The following ATP13A4 variants were observed in gnomAD, a reference collection of about 807,000 sequenced individuals.
ATP13A4 encodes ATPase 13A4.
In ATP13A4, 114 loss-of-function variants were observed where a neutral mutation model predicts 142.5. The observed-to-expected ratio is 0.80, with a 90% confidence interval of 0.69 to 0.93. The LOEUF (loss-of-function observed/expected upper bound fraction) is 0.93, where lower values mean the gene tolerates loss of function less well. ATP13A4 is among the 40% of genes least tolerant of loss of function. The pLI is 0.00. For missense variants in ATP13A4, 1,392 were observed against 1,454.0 expected (o/e 0.96, Z 0.69); for synonymous variants, 488 against 514.8 (o/e 0.95, Z 0.70).
chr3:193,442,742 C>T (rs1716720892), intron 18 of ATP13A4, among the ~76,000 whole-genome samples, 186 bp from the exon 19 acceptor site: 2 of 152,134 alleles, frequency 1.3e-5, no homozygotes, highest in Admixed American at 6.5e-5. Context: ...TACTGCTTTT[C>T]GTCAGGTTGC....
intron 18 of ATP13A4, 32 bp from the exon 19 acceptor site, chr3:193,442,588 G>A: frequency 6.3e-7 from 1 of 1,598,648 alleles, no homozygotes. Context: ...TCAAGATGAG[G>A]TTGACAAGAT....
chr3:193,467,945 G>A lies in ATP13A4; in HGVS notation c.944-459C>T, dbSNP rs368481268. Among the ~76,000 whole-genome samples the A allele has an allele frequency of 2.0e-3, 310 of 152,272 alleles. 1 individual carries two copies. The highest frequency in any genetic ancestry group is 2.7e-3 in the Non-Finnish European group (183 of 68,014). On this transcript the variant is annotated intron_variant, in intron 9 of 29. Transcript: ENST00000342695. ...TGTAATCCCAGTACTTTGGGAGGCC[G>A]AGGTAGGCAGATCACCTGAGGTCAG...
intron 14 of ATP13A4, among the ~76,000 whole-genome samples, chr3:193,457,873 G>C (rs1189383239): frequency 6.6e-6 from 1 of 152,200 alleles, no homozygotes; most frequent in Non-Finnish European, 1.5e-5. Context: ...AATTTGGATG[G>C]ATGGTTCTCA....
chr3:193,525,711 A>T (rs1478117997), intron 1 of ATP13A4, among the ~76,000 whole-genome samples: 1 of 152,154 alleles, frequency 6.6e-6, no homozygotes, highest in Non-Finnish European at 1.5e-5. Flanking sequence ...TTCCCTCCTC[A>T]TCACCCCACA....
intron 8 of ATP13A4, among the ~76,000 whole-genome samples, chr3:193,477,757 T>A (rs1719052804): frequency 1.3e-5 from 2 of 152,080 alleles, no homozygotes; most frequent in Non-Finnish European, 1.5e-5. Context: ...GATGGAGATC[T>A]TGGCAGCTTG....
chr3:193,544,315 A>T (rs561356634), intron 1 of ATP13A4, among the ~76,000 whole-genome samples: 1 of 152,356 alleles, frequency 6.6e-6, no homozygotes, highest in Admixed American at 6.5e-5. Context: ...AATGAAATTA[A>T]TAGCTAGTGG....
intron 3 of ATP13A4, among the ~76,000 whole-genome samples, chr3:193,500,161 A>G (rs1289481583): frequency 6.6e-6 from 1 of 152,230 alleles, no homozygotes; most frequent in African/African-American, 2.4e-5. Flanking sequence ...AATTCAGACC[A>G]GGAAACAGCA....
At chr3:193,572,596 T>C (rs78663206) in intron 2 of ATP13A4, among the ~76,000 whole-genome samples, 1 of 152,162 alleles carries the variant, frequency 6.6e-6, no homozygotes, top group Non-Finnish European at 1.5e-5. Flanking sequence ...AATCTGCGTT[T>C]AGTGGCAAAG....
At chr3:193,532,382 G>A (rs1235456359) in intron 1 of ATP13A4, among the ~76,000 whole-genome samples, 1 of 148,080 alleles carries the variant, frequency 6.8e-6, no homozygotes, top group Non-Finnish European at 1.5e-5. Context: ...TCTATTCACT[G>A]TGGCATTTTA....
rs113188882 is a variant in ATP13A4 at position 193,444,279 on chromosome 3, A to C, written c.2153-1723T>G. On this transcript the variant is annotated intron_variant, in intron 18 of 29. Coordinates refer to ENST00000342695, the MANE Select transcript of ATP13A4 (RefSeq NM_032279.4). ...AGAAAATAGTGGAACAACATCTTTGAGGTGCTGACTTCATCTTTCACTTTG... is the reference window on the plus strand; with the variant it reads ...AGAAAATAGTGGAACAACATCTTTGCGGTGCTGACTTCATCTTTCACTTTG... 1.2e-3 allele frequency among the ~76,000 whole-genome samples: 189 copies of C among 152,304 alleles called. No individual in the cohort carries two copies. In the Middle Eastern group the frequency reaches 0.014, roughly 11 times the overall value.
intron 9 of ATP13A4, among the ~76,000 whole-genome samples, chr3:193,467,694 A>G (rs1718384435): frequency 1.3e-5 from 2 of 152,212 alleles, no homozygotes; most frequent in South Asian, 4.1e-4. Context: ...ATGTAAACTG[A>G]TAAGTATAAT....
chr3:193,547,180 G>A (rs979999945), intron 1 of ATP13A4, among the ~76,000 whole-genome samples: 2 of 152,150 alleles, frequency 1.3e-5, no homozygotes, highest in Non-Finnish European at 2.9e-5. Flanking sequence ...TCAGCGTCCT[G>A]TCTGACAAGA....
chr3:193,465,719 C>T (rs1332208589), intron 11 of ATP13A4, among the ~76,000 whole-genome samples: 1 of 152,108 alleles, frequency 6.6e-6, no homozygotes, highest in South Asian at 2.1e-4. Context: ...AAATATGCTA[C>T]TTTATTGAAA....
intron 1 of ATP13A4, among the ~76,000 whole-genome samples, chr3:193,586,414 T>C (rs1211773327): frequency 6.6e-6 from 1 of 152,226 alleles, no homozygotes; most frequent in Non-Finnish European, 1.5e-5. Flanking sequence ...CCTATTCCTC[T>C]TTGCAAAGAT....
intron 2 of ATP13A4, among the ~76,000 whole-genome samples, chr3:193,573,260 C>CATATATATATATATATATATAT (rs373692119): frequency 2.3e-4 from 18 of 79,018 alleles, no homozygotes; most frequent in African/African-American, 1.0e-3. Context: ...ATACCACAGC[C>CATATATATATATATATATATAT]ATATATATAT....
intron 3 of ATP13A4, among the ~76,000 whole-genome samples, chr3:193,497,444 TGA>T (rs1720307517): frequency 6.6e-6 from 1 of 152,112 alleles, no homozygotes; most frequent in African/African-American, 2.4e-5. Context: ...TATAAAGAGA[TGA>T]AACTCTTGTA....
intron 12 of ATP13A4, among the ~76,000 whole-genome samples, chr3:193,464,116 T>A (rs1428186213): frequency 6.6e-6 from 1 of 152,152 alleles, no homozygotes; most frequent in Non-Finnish European, 1.5e-5. Context: ...AAGAAAGAAG[T>A]CAACAACAGC....
At position 193,466,092 on chromosome 3, in the gene ATP13A4, A is replaced by G. The variant is rs1718263937; in HGVS notation, c.1205T>C (p.Leu402Pro). 1 of 1,614,196 alleles carries G rather than the reference A, an allele frequency of 6.2e-7. No individual in the cohort carries two copies. The highest frequency in any genetic ancestry group is 8.5e-7 in the Non-Finnish European group (1 of 1,180,012). Reference protein sequence around the residue: ...FQLYRDAIRFLLCLVGTATIG... With the variant: ...FQLYRDAIRFPLCLVGTATIG... ...GGTGGCTGTTCCTACAAGGCACAGG[A>G]GGAACCTGATGGCATCCCTGTACAA... Residue 402 changes from leucine (L) to proline (P), a missense_variant, in exon 11 of 30, where the codon CTC becomes CCC. Physicochemically the swap from Leu to Pro is moderately conservative, Grantham distance 98. Coordinates refer to ENST00000342695, the MANE Select transcript of ATP13A4 (RefSeq NM_032279.4).
intron 1 of ATP13A4, among the ~76,000 whole-genome samples, chr3:193,588,841 A>T (rs1043456964): frequency 2.6e-5 from 4 of 151,822 alleles, no homozygotes; most frequent in African/African-American, 7.3e-5. Flanking sequence ...TACTCTTTTT[A>T]AAAAAATATA....
Sources: allele counts gnomAD v4.1 joint callset (sites outside exome capture counted in the v4.1 genomes callset), GRCh38; gene constraint gnomAD v4.1.1; transcripts MANE v1.5; gene names NCBI Gene and HGNC (gene_info 2026-07-23, HGNC 2026-07-21).